ACCSL: variants seen among roughly 807,000 people sequenced by gnomAD.
ACCSL encodes 1-aminocyclopropane-1-carboxylate synthase homolog (inactive) like.
ACCSL carries 55 observed loss-of-function variants against 61.7 expected under a neutral mutation model. That is an observed-to-expected ratio of 0.89 (90% CI 0.72 to 1.12). The LOEUF (loss-of-function observed/expected upper bound fraction) is 1.12. Ranked by LOEUF, ACCSL falls within the 50% of genes most tolerant of loss-of-function variation. The pLI is 0.00. For missense variants in ACCSL, 632 were observed against 698.0 expected (o/e 0.91, Z 1.07); for synonymous variants, 258 against 264.3 (o/e 0.98, Z 0.23).
the ACCSL span, among the ~76,000 whole-genome samples, chr11:44,031,190 T>C: frequency 2.6e-5 from 4 of 152,176 alleles, no homozygotes; most frequent in Admixed American, 6.5e-5. Flanking sequence ...CATGAGATAA[T>C]GTGTGTAAAG....
the ACCSL span, among the ~76,000 whole-genome samples, chr11:43,935,959 T>C: frequency 6.6e-6 from 1 of 152,172 alleles, no homozygotes; most frequent in Non-Finnish European, 1.5e-5. Flanking sequence ...CCCACAGCTC[T>C]GAGCCCCTGC....
At chr11:43,935,534 G>C in the ACCSL span, among the ~76,000 whole-genome samples, 1 of 152,230 alleles carries the variant, frequency 6.6e-6, no homozygotes, top group African/African-American at 2.4e-5. Context: ...GTGATGCTTG[G>C]GTCCCTCTGG....
At chr11:43,942,862 C>A in the ACCSL span, 3 of 1,242,538 alleles carry the variant, frequency 2.4e-6, no homozygotes, top group Non-Finnish European at 3.0e-6. Context: ...CCTCGGAGAG[C>A]CCCGGCGCCC....
the ACCSL span, among the ~76,000 whole-genome samples, chr11:44,032,244 C>T: frequency 3.8e-4 from 58 of 152,238 alleles, no homozygotes; most frequent in African/African-American, 1.0e-3. Flanking sequence ...CCTCACCTTC[C>T]AGGGTCTCTC....
chr11:44,006,477 T>C, the ACCSL span, among the ~76,000 whole-genome samples: 2 of 150,008 alleles, frequency 1.3e-5, no homozygotes, highest in Non-Finnish European at 3.0e-5. Context: ...GGGGGAATAA[T>C]GATGCTACTC....
intron 3 of ACCSL, among the ~76,000 whole-genome samples, chr11:44,050,896 C>G (rs1952633467): frequency 6.9e-6 from 1 of 145,300 alleles, no homozygotes. Context: ...GACTGGAGTG[C>G]AGTGGTGCTA....
At chr11:43,963,225 C>T in the ACCSL span, among the ~76,000 whole-genome samples, 4 of 152,294 alleles carry the variant, frequency 2.6e-5, no homozygotes, top group South Asian at 2.1e-4. Context: ...CTAGCTATGT[C>T]GTGGCTGGAG....
intron 8 of ACCSL, 60 bp from the exon 9 acceptor site, chr11:44,055,142 C>A: frequency 1.6e-6 from 2 of 1,234,336 alleles, no homozygotes; most frequent in South Asian, 1.3e-5. Context: ...AAAAAGCATG[C>A]AAAGAAAAAA....
chr11:44,009,769 A>G, the ACCSL span, among the ~76,000 whole-genome samples: 2 of 152,132 alleles, frequency 1.3e-5, no homozygotes, highest in African/African-American at 2.4e-5. Flanking sequence ...TGTCTCAAGT[A>G]AGTAAATAAA....
the ACCSL span, among the ~76,000 whole-genome samples, chr11:43,988,311 C>T: frequency 2.6e-5 from 4 of 152,120 alleles, no homozygotes; most frequent in Non-Finnish European, 5.9e-5. Context: ...CACGGGGGTT[C>T]GTTTGCCTGG....
At chr11:44,002,460 C>A in the ACCSL span, among the ~76,000 whole-genome samples, 1 of 152,192 alleles carries the variant, frequency 6.6e-6, no homozygotes, top group African/African-American at 2.4e-5. Flanking sequence ...GATGGTCGAG[C>A]ACACCACTTT....
the ACCSL span, among the ~76,000 whole-genome samples, chr11:43,940,359 T>A: frequency 6.4e-5 from 8 of 124,688 alleles, no homozygotes; most frequent in East Asian, 2.2e-3. Context: ...AAATTATATC[T>A]TTTTTTTTTT....
At chr11:44,015,235 T>C in the ACCSL span, among the ~76,000 whole-genome samples, 1 of 152,132 alleles carries the variant, frequency 6.6e-6, no homozygotes, top group Non-Finnish European at 1.5e-5. Context: ...CCAAATACAC[T>C]ATAAGGTTGC....
At chr11:44,053,231 G>T (rs1436326611) in intron 7 of ACCSL, among the ~76,000 whole-genome samples, 163 bp downstream of exon 7, 1 of 152,152 alleles carries the variant, frequency 6.6e-6, no homozygotes, top group Non-Finnish European at 1.5e-5. Context: ...CTGTGGGGAT[G>T]TTATGGCAGC....
chr11:43,974,781 G>A, the ACCSL span, among the ~76,000 whole-genome samples: 1 of 152,192 alleles, frequency 6.6e-6, no homozygotes, highest in East Asian at 1.9e-4. Context: ...AGCCACATGA[G>A]TAACCTTGGA....
At chr11:43,923,815 G>A in the ACCSL span, among the ~76,000 whole-genome samples, 38 of 152,354 alleles carry the variant, frequency 2.5e-4, no homozygotes, top group African/African-American at 6.0e-4. Flanking sequence ...GGATAAATTA[G>A]GCTGTAGCTT....
upstream of ACCSL, among the ~76,000 whole-genome samples, chr11:44,044,247 A>G (rs956480644): frequency 5.9e-5 from 9 of 152,132 alleles, no homozygotes; most frequent in African/African-American, 2.2e-4. Context: ...TCTGCTTCCT[A>G]GGGCTAAAAT....
At chr11:43,992,279 C>G in the ACCSL span, among the ~76,000 whole-genome samples, 1 of 152,022 alleles carries the variant, frequency 6.6e-6, no homozygotes, top group African/African-American at 2.4e-5. Flanking sequence ...TCTCAAACTT[C>G]TGAGCTCAGG....
the ACCSL span, among the ~76,000 whole-genome samples, chr11:43,987,607 C>T: frequency 6.6e-6 from 1 of 152,124 alleles, no homozygotes; most frequent in Non-Finnish European, 1.5e-5. Flanking sequence ...GTCCCCCAAG[C>T]CTCCCCCACA....
Sources: allele counts gnomAD v4.1 joint callset (sites outside exome capture counted in the v4.1 genomes callset), GRCh38; gene constraint gnomAD v4.1.1; transcripts MANE v1.5; gene names NCBI Gene and HGNC (gene_info 2026-07-23, HGNC 2026-07-21).